Variants in NRXN3 observed in about 807,000 individuals in gnomAD.
NRXN3 encodes neurexin III.
NRXN3 carries 32 observed loss-of-function variants against 137.6 expected under a neutral mutation model. The observed-to-expected ratio is 0.23, with a 90% CI of 0.18 to 0.31. The LOEUF (loss-of-function observed/expected upper bound fraction) is 0.31, where lower values mean the gene tolerates loss of function less well. Ranked by LOEUF, NRXN3 falls within the 10% of genes least tolerant of loss-of-function variation. NRXN3 has a pLI of 1.00. For missense variants in NRXN3, 1,574 were observed against 2,062.5 expected (o/e 0.76, Z 4.59); for synonymous variants, 798 against 784.5 (o/e 1.02, Z -0.29).
intron 17 of NRXN3, among the ~76,000 whole-genome samples, chr14:79,682,452 G>C (rs144214791): frequency 6.6e-6 from 1 of 152,122 alleles, no homozygotes; most frequent in Non-Finnish European, 1.5e-5. Flanking sequence ...TTTGATTCTT[G>C]TACCACATTT....
intron 16 of NRXN3, among the ~76,000 whole-genome samples, chr14:79,621,050 C>A (rs1250966125): frequency 6.6e-6 from 1 of 152,030 alleles, no homozygotes; most frequent in Non-Finnish European, 1.5e-5. Context: ...AAGGAGTGAT[C>A]AACACTATCA....
Position 79,781,991 on chromosome 14 carries a change from G to A in NRXN3, c.4015-23121G>A, listed in dbSNP as rs574075617. On this transcript the variant is annotated intron_variant, in intron 19 of 20. Coordinates refer to ENST00000335750, the MANE Select transcript of NRXN3 (RefSeq NM_001330195.2). Reference sequence around the variant, plus strand: ...TCGATGTAGGTGAAGAGTCTTGCAGGATATGTTCACTGCTGAAGAGCAAGC... The same window carrying A: ...TCGATGTAGGTGAAGAGTCTTGCAGAATATGTTCACTGCTGAAGAGCAAGC... Among the ~76,000 whole-genome samples the A allele has an allele frequency of 2.6e-5, 4 of 152,244 alleles. No homozygotes were observed. In the South Asian group the frequency reaches 8.3e-4, roughly 32 times the overall value.
At chr14:79,173,530 C>CAAAAAAAAAAAAAAAAAAAAAAATAAAA (rs2062000269) in intron 15 of NRXN3, among the ~76,000 whole-genome samples, 3 of 91,028 alleles carry the variant, frequency 3.3e-5, no homozygotes, top group Admixed American at 1.3e-4. Context: ...GACCTTGTCT[C>CAAAAAAAAAAAAAAAAAAAAAAATAAAA]AAAAAAAAAA....
chr14:78,622,557 G>A (rs2097416919), intron 4 of NRXN3, among the ~76,000 whole-genome samples: 2 of 151,640 alleles, frequency 1.3e-5, no homozygotes, highest in South Asian at 4.1e-4. Flanking sequence ...CTTTAGAAAG[G>A]AATCCTAGGA....
chr14:78,472,142 T>C (rs536849423), intron 4 of NRXN3, among the ~76,000 whole-genome samples: 78 of 152,340 alleles, frequency 5.1e-4, no homozygotes, highest in African/African-American at 1.8e-3. Context: ...AGCTTACTGT[T>C]TGAGGCCTAA....
intron 4 of NRXN3, among the ~76,000 whole-genome samples, chr14:78,591,153 T>C (rs1208036432): frequency 6.6e-6 from 1 of 152,186 alleles, no homozygotes; most frequent in Non-Finnish European, 1.5e-5. Context: ...CCAGAGGCCA[T>C]TTCTGAGCAG....
At chr14:78,328,723 G>A (rs1370769360) in intron 4 of NRXN3, among the ~76,000 whole-genome samples, 2 of 152,160 alleles carry the variant, frequency 1.3e-5, no homozygotes, top group East Asian at 1.9e-4. Context: ...TAAGAGCTAG[G>A]GATGGAGATG....
At chr14:78,522,099 A>T (rs2096291940) in intron 4 of NRXN3, among the ~76,000 whole-genome samples, 1 of 152,202 alleles carries the variant, frequency 6.6e-6, no homozygotes, top group Non-Finnish European at 1.5e-5. Flanking sequence ...GCATTATTTT[A>T]TCACTAGAAA....
chr14:79,743,056 G>C (rs1371791094), intron 19 of NRXN3, among the ~76,000 whole-genome samples: 1 of 152,238 alleles, frequency 6.6e-6, no homozygotes, highest in African/African-American at 2.4e-5. Context: ...GGAGATATGA[G>C]ATAATGTTAG....
intron 15 of NRXN3, among the ~76,000 whole-genome samples, chr14:79,433,896 C>T (rs1039288133): frequency 2.0e-5 from 3 of 152,108 alleles, no homozygotes; most frequent in Non-Finnish European, 2.9e-5. Context: ...AAACATAGAA[C>T]GTAGGATCCA....
intron 4 of NRXN3, among the ~76,000 whole-genome samples, chr14:78,350,937 G>T (rs1345693018): frequency 6.6e-6 from 1 of 151,394 alleles, no homozygotes; most frequent in South Asian, 2.1e-4. Flanking sequence ...TATTTACATT[G>T]TATCTTATGT....
intron 4 of NRXN3, among the ~76,000 whole-genome samples, chr14:78,500,479 G>A (rs544582953): frequency 4.0e-4 from 61 of 152,252 alleles, no homozygotes; most frequent in Non-Finnish European, 7.4e-4. Flanking sequence ...GGAACACTGT[G>A]AAGAGAAGTT....
chr14:78,695,208 G>A, intron 6 of NRXN3: 1 of 151,858 alleles, frequency 6.6e-6, no homozygotes, highest in East Asian at 1.9e-4. Flanking sequence ...GGATTCAAGT[G>A]CTTGCATTTA....
intron 16 of NRXN3, among the ~76,000 whole-genome samples, chr14:79,475,984 G>T (rs1458118129): frequency 4.6e-5 from 7 of 152,046 alleles, no homozygotes; most frequent in African/African-American, 1.7e-4. Context: ...GTGAATGCTG[G>T]GGCTCACAGG....
At chr14:78,483,199 A>C (rs905276870) in intron 4 of NRXN3, among the ~76,000 whole-genome samples, 6 of 152,182 alleles carry the variant, frequency 3.9e-5, no homozygotes, top group African/African-American at 1.4e-4. Flanking sequence ...AAAACCCCAA[A>C]AAACCCCACA....
intron 10 of NRXN3, among the ~76,000 whole-genome samples, chr14:78,939,978 C>G (rs2099349934): frequency 6.6e-6 from 1 of 152,186 alleles, no homozygotes; most frequent in Admixed American, 6.5e-5. Flanking sequence ...AATAATGCAG[C>G]AAACACACGT....
At chr14:79,103,776 C>G (rs1220641001) in intron 15 of NRXN3, among the ~76,000 whole-genome samples, 4 of 152,184 alleles carry the variant, frequency 2.6e-5, no homozygotes, top group Non-Finnish European at 4.4e-5. Flanking sequence ...GTATATTCTC[C>G]TTCTGTATTT....
intron 10 of NRXN3, among the ~76,000 whole-genome samples, chr14:78,937,099 G>A (rs900892751): frequency 4.7e-5 from 7 of 149,442 alleles, no homozygotes; most frequent in African/African-American, 1.7e-4. Flanking sequence ...GCAGGCACCC[G>A]TAATCCCAGC....
Position 79,640,445 on chromosome 14 carries a change from AC to A in NRXN3, c.3445-23331del, listed in dbSNP as rs1460288939. On this transcript the variant is annotated intron_variant, in intron 16 of 20. Transcript: ENST00000335750. Reference sequence around the variant, plus strand: ...TAATGTCCACACTATCTTGACCACTACCAAGAAACACTTTTTGCACCATGAT... The same window carrying A: ...TAATGTCCACACTATCTTGACCACTACAAGAAACACTTTTTGCACCATGAT... Among the ~76,000 whole-genome samples the A allele has an allele frequency of 2.9e-5, 4 of 135,756 alleles. 1 individual carries two copies. Among genetic ancestry groups the A allele is most frequent in the African/African-American group, 9.8e-5 (4 of 40,772 alleles). The allele number at this position is 135,756 out of a possible 152,430, so 89.1% of individuals were successfully genotyped here. A position where few individuals can be genotyped will look rare whatever the true frequency, so the allele number is the denominator to read the frequency against.
Sources: allele counts gnomAD v4.1 joint callset (sites outside exome capture counted in the v4.1 genomes callset), GRCh38; gene constraint gnomAD v4.1.1; transcripts MANE v1.5; gene names NCBI Gene and HGNC (gene_info 2026-07-23, HGNC 2026-07-21).